Variants in SCP2 observed in about 807,000 individuals in gnomAD.
SCP2 encodes the protein sterol carrier protein 2.
A neutral mutation model predicts 71.4 loss-of-function variants in SCP2; 48 were observed. That is an observed-to-expected ratio of 0.67 (90% CI 0.53 to 0.86). The LOEUF is 0.86. SCP2 is among the 40% of genes least tolerant of loss of function. SCP2 has a pLI of 0.00. For missense variants in SCP2, 560 were observed against 655.6 expected (o/e 0.85, Z 1.59); for synonymous variants, 220 against 218.1 (o/e 1.01, Z -0.08).
At chr1:52,948,947 AT>A (rs35066602) in intron 3 of SCP2, among the ~76,000 whole-genome samples, 2,588 of 146,326 alleles carry the variant, frequency 0.018, 37 homozygotes, top group Middle Eastern at 0.077. Flanking sequence ...CCCCAACAAC[AT>A]TTTTTTTTTT....
At chr1:52,931,552 G>A (rs966337208) in intron 1 of SCP2, among the ~76,000 whole-genome samples, 7 of 152,210 alleles carry the variant, frequency 4.6e-5, no homozygotes, top group Non-Finnish European at 8.8e-5. Flanking sequence ...CTTCCCAGCT[G>A]TGAGAAGCAA....
intron 11 of SCP2, among the ~76,000 whole-genome samples, chr1:52,999,291 G>A (rs1199011681): frequency 6.6e-6 from 1 of 152,246 alleles, no homozygotes; most frequent in East Asian, 1.9e-4. Flanking sequence ...ACAGTTATGA[G>A]TAGCTTAAAC....
chr1:52,948,147 C>A (rs527468867), intron 3 of SCP2, 67 bp downstream of exon 3: 4 of 951,876 alleles, frequency 4.2e-6, no homozygotes, highest in East Asian at 2.4e-5. Context: ...ACAAACAATG[C>A]GGAGGCATTT....
At chr1:53,000,286 A>T (rs1245796154) in intron 11 of SCP2, among the ~76,000 whole-genome samples, 1 of 151,804 alleles carries the variant, frequency 6.6e-6, no homozygotes, top group African/African-American at 2.4e-5. Flanking sequence ...AATAAGTAAA[A>T]TTTGGCTTTA....
chr1:52,954,534 AGAG>A (rs1655621259), intron 4 of SCP2, among the ~76,000 whole-genome samples: 1 of 152,150 alleles, frequency 6.6e-6, no homozygotes, highest in Non-Finnish European at 1.5e-5. Context: ...AAATTTTTGT[AGAG>A]ACAGAGTCTT....
Position 53,038,925 on chromosome 1 carries a change from A to G in SCP2, c.1347A>G (p.Glu449=), listed in dbSNP as rs376582235. 3.6e-5 allele frequency: 58 copies of G among 1,613,920 alleles called. No homozygotes were observed. Among genetic ancestry groups the G allele is most frequent in the Non-Finnish European group, 4.7e-5 (56 of 1,180,008 alleles). The change falls in exon 14 of 16, where the codon GAA becomes GAG. Residue 449 remains glutamate (E), a synonymous_variant. Coordinates refer to ENST00000371514, the MANE Select transcript of SCP2 (RefSeq NM_002979.5). ...GTTATTTTTCTTTCCAGGAAGGGGA[A>G]CAGTTTGTGAAGAAAATCGGTGGTA... ...EIEKKLEEEG[E]QFVKKIGGIF...
At chr1:52,996,051 TTCTCAGTTCCCTTAGCCATCTTA>T in intron 11 of SCP2, 2 of 1,203,942 alleles carry the variant, frequency 1.7e-6, no homozygotes, top group Non-Finnish European at 2.2e-6. Context: ...CGCCTCAGGC[TTCTCAGTTCCCTTAGCCATCTTA>T]CTCACCTGCC....
intron 1 of SCP2, among the ~76,000 whole-genome samples, chr1:52,940,638 T>TA (rs1375704634): frequency 2.0e-5 from 3 of 152,262 alleles, no homozygotes; most frequent in Non-Finnish European, 4.4e-5. Context: ...ATTAAATGAG[T>TA]AAATACATGT....
At chr1:52,946,424 AGGCT>A (rs1654803750) in intron 2 of SCP2, among the ~76,000 whole-genome samples, 1 of 150,550 alleles carries the variant, frequency 6.6e-6, no homozygotes, top group African/African-American at 2.4e-5. Flanking sequence ...ATGGGGTCCC[AGGCT>A]GGTCTCAAAA....
chr1:52,944,898 C>T (rs771883956), intron 2 of SCP2, among the ~76,000 whole-genome samples: 9 of 151,828 alleles, frequency 5.9e-5, no homozygotes, highest in Non-Finnish European at 1.2e-4. Flanking sequence ...CCACCCGCCT[C>T]GGCCTCCCAA....
intron 12 of SCP2, among the ~76,000 whole-genome samples, chr1:53,018,187 A>G (rs949772574): frequency 5.9e-5 from 9 of 152,228 alleles, no homozygotes; most frequent in Non-Finnish European, 8.8e-5. Context: ...CCTGTTAGGT[A>G]GTTACAAACA....
At chr1:53,002,060 T>C (rs957227605) in intron 11 of SCP2, among the ~76,000 whole-genome samples, 1 of 151,864 alleles carries the variant, frequency 6.6e-6, no homozygotes, top group African/African-American at 2.4e-5. Flanking sequence ...GGCAGGCGCC[T>C]GTAGTCCCAG....
Position 53,037,879 on chromosome 1 carries a change from TACACACACACACACACACACAC to T in SCP2, c.1339-1008_1339-987del, listed in dbSNP as rs34293671. Among the ~76,000 whole-genome samples, 560 of 84,624 alleles carry T rather than the reference TACACACACACACACACACACAC, an allele frequency of 6.6e-3. 9 individuals are homozygous for T. In the South Asian group the frequency reaches 0.087, roughly 13 times the overall value. 55.5% of individuals were successfully genotyped at this position (84,624 alleles called of 152,430 possible). On this transcript the variant is annotated intron_variant, in intron 13 of 15. Transcript: ENST00000371514. ...AACATAGGGAGATCCTGTCTCTACA[TACACACACACACACACACACAC>T]ACACACACACACACACACACACACA... is the stretch of plus-strand genomic sequence containing the variant.
chr1:53,014,851 T>G, intron 11 of SCP2, 39 bp from the exon 12 acceptor site: 2 of 1,610,016 alleles, frequency 1.2e-6, no homozygotes, highest in African/African-American at 1.3e-5. Flanking sequence ...TTGAGAAAGC[T>G]GGTGGAAGCA....
chr1:52,977,593 A>G (rs1319041273), intron 8 of SCP2, among the ~76,000 whole-genome samples: 1 of 152,226 alleles, frequency 6.6e-6, no homozygotes, highest in Non-Finnish European at 1.5e-5. Flanking sequence ...TTAGGATAGG[A>G]ATAACCTTTT....
intron 10 of SCP2, among the ~76,000 whole-genome samples, chr1:52,984,766 A>C (rs1394190927): frequency 6.6e-6 from 1 of 150,606 alleles, no homozygotes; most frequent in East Asian, 1.9e-4. Flanking sequence ...CGAACTCCTG[A>C]CCTCAGGTGA....
At chr1:52,932,645 T>C (rs759148265) in intron 1 of SCP2, among the ~76,000 whole-genome samples, 9 of 152,172 alleles carry the variant, frequency 5.9e-5, no homozygotes, top group Non-Finnish European at 1.0e-4. Flanking sequence ...AAAAAACATT[T>C]TGACCATGTG....
At position 52,962,606 on chromosome 1, in the gene SCP2, G is replaced by A. The variant is rs114736766; in HGVS notation, c.523+977G>A. 6.4e-3 allele frequency among the ~76,000 whole-genome samples: 974 copies of A among 151,858 alleles called. 13 individuals are homozygous for A. The highest frequency in any genetic ancestry group is 0.023 in the African/African-American group (937 of 41,404). On this transcript the variant is annotated intron_variant, in intron 6 of 15. Coordinates refer to ENST00000371514, the MANE Select transcript of SCP2 (RefSeq NM_002979.5). ...TCATTAGCTCTCTGACTGTATCTCC[G>A]ACCATTTTTTCTTTCACTAGTCTGC...
At chr1:52,993,516 CTCTA>C in intron 11 of SCP2, 1 of 1,612,504 alleles carries the variant, frequency 6.2e-7, no homozygotes, top group Non-Finnish European at 8.5e-7. Flanking sequence ...TCAAAACTGC[CTCTA>C]TCTGTGACTG....
Sources: allele counts gnomAD v4.1 joint callset (sites outside exome capture counted in the v4.1 genomes callset), GRCh38; gene constraint gnomAD v4.1.1; transcripts MANE v1.5; gene names NCBI Gene and HGNC (gene_info 2026-07-23, HGNC 2026-07-21).